ABLIM2: variants seen among roughly 807,000 people sequenced by gnomAD.
The protein encoded by ABLIM2 is actin-binding LIM protein 2.
ABLIM2 carries 53 observed loss-of-function variants against 97.7 expected under a neutral mutation model. The observed-to-expected ratio is 0.54, with a 90% CI of 0.44 to 0.68. The LOEUF (loss-of-function observed/expected upper bound fraction) is 0.68. Among genes scored for constraint, ABLIM2 ranks in the 30% least tolerant of loss-of-function variants. The pLI is 0.00. For synonymous variants in ABLIM2, 361 were observed against 345.8 expected (o/e 1.04, Z -0.49); for missense variants, 835 against 867.2 (o/e 0.96, Z 0.47).
rs1242921212 is a variant in ABLIM2 at position 7,998,043 on chromosome 4, G to A, written c.1619-5116C>T. Among the ~76,000 whole-genome samples the A allele has an allele frequency of 7.2e-5, 11 of 151,862 alleles. No homozygotes were observed. Among genetic ancestry groups the A allele is most frequent in the Admixed American group, 5.2e-4 (8 of 15,258 alleles). On this transcript the variant is annotated intron_variant, in intron 16 of 20. Transcript: ENST00000447017. The surrounding 1 kb of genome is among the most constrained non-coding windows in gnomAD (Gnocchi z 6.4). ...ATTACAGGAATGTGCCACCATGCCCGGCTGATTTTGTATTTTTAGTAGAGA... is the reference window on the plus strand; with the variant it reads ...ATTACAGGAATGTGCCACCATGCCCAGCTGATTTTGTATTTTTAGTAGAGA...
At chr4:8,008,284 C>T in intron 15 of ABLIM2, 84 bp from the exon 16 acceptor site, 1 of 1,351,382 alleles carries the variant, frequency 7.4e-7, no homozygotes. Context: ...TTGTAGCTTC[C>T]TTACTTCTAA....
chr4:7,983,336 C>T lies in ABLIM2; in HGVS notation c.1752G>A (p.Pro584=), dbSNP rs367611964. ...GGTTTGTGACGATGAGGGAGTCATA[C>T]GGATAGATCTGTTGGGGGAGGAAAC... ...SWGMREYKIY[P]YDSLIVTNRI... Residue 584 remains proline, a synonymous_variant, in exon 20 of 21, where the codon CCG becomes CCA. Transcript: ENST00000447017. The T allele has an allele frequency of 4.5e-4, 722 of 1,611,722 alleles. No individual in the cohort carries two copies. Among genetic ancestry groups the T allele is most frequent in the Non-Finnish European group, 5.7e-4 (677 of 1,179,254 alleles).
rs377166818 is a variant in ABLIM2 at position 8,032,718 on chromosome 4, C to T, written c.1048-2942G>A. 1.1e-5 allele frequency: 18 copies of T among 1,611,418 alleles called. No homozygotes were observed. The highest frequency in any genetic ancestry group is 6.7e-5 in the African/African-American group (5 of 74,610). On this transcript the variant is annotated intron_variant, in intron 10 of 20. Coordinates refer to ENST00000447017, the MANE Select transcript of ABLIM2 (RefSeq NM_001130083.2). This position sits in a 1 kb window ranked among gnomAD's most constrained non-coding sequence, Gnocchi z 4.3. ...CACACAAAGTGGCCATTAGTGCTGG[C>T]GCCAGGCAGAGAGGGAGGAGGGCAG...
rs752928566 is a variant in ABLIM2, at chr4:7,992,499, G to C, written c.1680+367C>G. Among the ~76,000 whole-genome samples the C allele has an allele frequency of 2.0e-5, 3 of 152,110 alleles. No homozygotes were observed. The highest frequency in any genetic ancestry group is 4.4e-5 in the Non-Finnish European group (3 of 68,008). On this transcript the variant is annotated intron_variant, in intron 17 of 20. Transcript: ENST00000447017. This position sits in a 1 kb window ranked among gnomAD's most constrained non-coding sequence, Gnocchi z 5.7. Reference sequence around the variant, plus strand: ...CTTGGCTCACACTGGCTCACCAAATGCAACAGCCCTTGGTTATCAGGCTCT... The same window carrying C: ...CTTGGCTCACACTGGCTCACCAAATCCAACAGCCCTTGGTTATCAGGCTCT...
At chr4:8,073,229 G>C (rs2152353912) in intron 6 of ABLIM2, among the ~76,000 whole-genome samples, 1 of 151,618 alleles carries the variant, frequency 6.6e-6, no homozygotes, top group African/African-American at 2.4e-5. Context: ...GGGGTGGTGT[G>C]CGGGAAGCAG....
At position 8,068,186 on chromosome 4, in the gene ABLIM2, CA is replaced by C. The variant is rs1334097017; in HGVS notation, c.676-7133del. 6.6e-6 allele frequency among the ~76,000 whole-genome samples: 1 copy of C among 152,196 alleles called. No individual in the cohort carries two copies. The highest frequency in any genetic ancestry group is 1.5e-5 in the Non-Finnish European group (1 of 68,034). ...TCCAGTGGGCGCACGGCTCCCCAGGCAGGCGGAAGTCCCACCCTCGCCCGCG... is the reference window on the plus strand; with the variant it reads ...TCCAGTGGGCGCACGGCTCCCCAGGCGGCGGAAGTCCCACCCTCGCCCGCG... On this transcript the variant is annotated intron_variant, in intron 6 of 20. Coordinates refer to ENST00000447017, the MANE Select transcript of ABLIM2 (RefSeq NM_001130083.2). This position sits in a 1 kb window ranked among gnomAD's most constrained non-coding sequence, Gnocchi z 4.5.
rs1374515200 is a variant in ABLIM2, at chr4:8,068,291, T to C, written c.676-7237A>G. On this transcript the variant is annotated intron_variant, in intron 6 of 20. Transcript: ENST00000447017. This position sits in a 1 kb window ranked among gnomAD's most constrained non-coding sequence, Gnocchi z 4.5. Reference sequence around the variant, plus strand: ...CAGTGAGTGGTTTTAGGAAGACATCTTGTGCCTTCTGAAGGGTGGCTGTCA... The same window carrying C: ...CAGTGAGTGGTTTTAGGAAGACATCCTGTGCCTTCTGAAGGGTGGCTGTCA... Among the ~76,000 whole-genome samples, 1 of 152,188 alleles carries C rather than the reference T, an allele frequency of 6.6e-6. No homozygotes were observed. The highest frequency in any genetic ancestry group is 1.5e-5 in the Non-Finnish European group (1 of 68,024).
chr4:8,123,491 G>C lies in ABLIM2; in HGVS notation c.11-16854C>G, dbSNP rs548202360. On this transcript the variant is annotated intron_variant, in intron 1 of 20. Transcript: ENST00000447017. This position sits in a 1 kb window ranked among gnomAD's most constrained non-coding sequence, Gnocchi z 6.2. ...CCTTCTCATGTTCTCCTGATCTGCT[G>C]ATTCAAGGGAGGCTGGTGTGAGGGA... 6.6e-6 allele frequency among the ~76,000 whole-genome samples: 1 copy of C among 152,316 alleles called. No individual in the cohort carries two copies. The highest frequency in any genetic ancestry group is 2.4e-5 in the African/African-American group (1 of 41,578).
chr4:7,990,211 A>AT (rs1279769714), intron 17 of ABLIM2, among the ~76,000 whole-genome samples: 4 of 151,944 alleles, frequency 2.6e-5, no homozygotes, highest in African/African-American at 9.7e-5. Context: ...TAATATATAT[A>AT]TTTTTTGAGA....
At chr4:8,073,139 A>T (rs1449344339) in intron 6 of ABLIM2, among the ~76,000 whole-genome samples, 1 of 149,608 alleles carries the variant, frequency 6.7e-6, no homozygotes, top group Non-Finnish European at 1.5e-5. Context: ...GGTGGGGAAG[A>T]TGGGAGGAGA....
rs1036155659 is a variant in ABLIM2 at position 8,087,191 on chromosome 4, G to A, written c.454+978C>T. Among the ~76,000 whole-genome samples, 2 of 152,242 alleles carry A rather than the reference G, an allele frequency of 1.3e-5. No individual in the cohort carries two copies. The highest frequency in any genetic ancestry group is 2.9e-5 in the Non-Finnish European group (2 of 68,038). ...CTGGGGACACCCCAGTGACCACGGT[G>A]CTCAGAGTGGGCTTCTGCACCAGGT... On this transcript the variant is annotated intron_variant, in intron 4 of 20. Transcript: ENST00000447017. The surrounding 1 kb of genome is among the most constrained non-coding windows in gnomAD (Gnocchi z 4.6).
chr4:8,055,398 A>C (rs370870863), intron 7 of ABLIM2, among the ~76,000 whole-genome samples: 67 of 134,628 alleles, frequency 5.0e-4, no homozygotes, highest in African/African-American at 1.9e-3. Flanking sequence ...CTGCACTCAC[A>C]CACCCAGCCT....
At position 8,127,068 on chromosome 4, in the gene ABLIM2, GAA is replaced by G. The variant is rs534244270; in HGVS notation, c.11-20433_11-20432del. On this transcript the variant is annotated intron_variant, in intron 1 of 20. Coordinates refer to ENST00000447017, the MANE Select transcript of ABLIM2 (RefSeq NM_001130083.2). This position sits in a 1 kb window ranked among gnomAD's most constrained non-coding sequence, Gnocchi z 7.3. ...GTGACAGAGTGAGTCCCTGCCTCCA[GAA>G]AAAAAAAAAAAAAATGCCTGCAGAC... 0.011 allele frequency among the ~76,000 whole-genome samples: 1,262 copies of G among 116,050 alleles called. 17 individuals are homozygous for G. The highest frequency in any genetic ancestry group is 0.033 in the African/African-American group (1,091 of 32,574). 76.1% of individuals were successfully genotyped at this position (116,050 alleles called of 152,430 possible).
chr4:8,026,434 T>C (rs1777366440), intron 12 of ABLIM2, among the ~76,000 whole-genome samples: 2 of 152,122 alleles, frequency 1.3e-5, no homozygotes, highest in Admixed American at 1.3e-4. Context: ...CCCAAAGCAA[T>C]GATGATGAGG....
chr4:7,980,455 C>T (rs958016336), intron 20 of ABLIM2, among the ~76,000 whole-genome samples: 1 of 152,164 alleles, frequency 6.6e-6, no homozygotes, highest in African/African-American at 2.4e-5. Context: ...TGGCTCACAC[C>T]TGTAATCCCA....
At chr4:8,106,695 A>G in intron 1 of ABLIM2, 58 bp from the exon 2 acceptor site, 2 of 1,544,468 alleles carry the variant, frequency 1.3e-6, no homozygotes, top group Non-Finnish European at 1.7e-6. Context: ...CACAAAGGTG[A>G]GCAAAGCAGG....
chr4:7,980,245 C>G (rs1736927373), intron 20 of ABLIM2, among the ~76,000 whole-genome samples: 1 of 152,116 alleles, frequency 6.6e-6, no homozygotes, highest in Non-Finnish European at 1.5e-5. Flanking sequence ...TACCCTCCTC[C>G]CTTCGGAATT....
chr4:8,060,881 A>AACCT, intron 7 of ABLIM2, 86 bp downstream of exon 7: 4 of 1,190,332 alleles, frequency 3.4e-6, no homozygotes, highest in Non-Finnish European at 4.8e-6. Flanking sequence ...CACTGTCACC[A>AACCT]ACCTGTTCAC....
At position 7,998,238 on chromosome 4, in the gene ABLIM2, C is replaced by T. The variant is rs774196757; in HGVS notation, c.1619-5311G>A. ...TTGATCTTCGGTGTTCTTGGTGTGA[C>T]GGGTAATTTTTCTGCAGTATCCTGG... On this transcript the variant is annotated intron_variant, in intron 16 of 20. Transcript: ENST00000447017. The surrounding 1 kb of genome is among the most constrained non-coding windows in gnomAD (Gnocchi z 6.4). Among the ~76,000 whole-genome samples, 10 of 152,076 alleles carry T rather than the reference C, an allele frequency of 6.6e-5. No individual in the cohort carries two copies. The highest frequency in any genetic ancestry group is 1.9e-4 in the East Asian group (1 of 5,174).
Sources: gnomAD v4.1 joint callset for allele counts (sites outside exome capture counted in the v4.1 genomes callset) on GRCh38, gnomAD v4.1.1 for gene constraint, Gnocchi (gnomAD v3.1) non-coding constraint, MANE v1.5 for transcripts, NCBI Gene and HGNC (gene_info 2026-07-23, HGNC 2026-07-21) for gene names.